The following NAA11 variants were observed in gnomAD, a reference collection of about 807,000 sequenced individuals.
NAA11 encodes N-alpha-acetyltransferase 11.
In NAA11, 15 loss-of-function variants were observed where a neutral mutation model predicts 16.1. The ratio of observed to expected loss-of-function variants is 0.93; its 90% CI spans 0.62 to 1.44. The LOEUF (loss-of-function observed/expected upper bound fraction) is 1.44. Ranked by LOEUF, NAA11 falls within the 40% of genes most tolerant of loss-of-function variation. The pLI, the probability that NAA11 is intolerant of heterozygous loss-of-function variation, is 0.00. For synonymous variants in NAA11, 122 were observed against 112.4 expected (o/e 1.09, Z -0.54); for missense variants, 298 against 291.3 (o/e 1.02, Z -0.17).
the NAA11 span, among the ~76,000 whole-genome samples, chr4:79,204,810 G>A: frequency 4.9e-4 from 75 of 151,846 alleles, no homozygotes; most frequent in African/African-American, 1.4e-3. Flanking sequence ...AGAACATGCA[G>A]TATTTGATTT....
chr4:79,245,635 C>T (rs1247772644), intron 2 of NAA11: 1 of 156,276 alleles, frequency 6.4e-6, no homozygotes, highest in Non-Finnish European at 1.4e-5. Flanking sequence ...CCCGGCCACC[C>T]TGTCTGGGAA....
intron 2 of NAA11, among the ~76,000 whole-genome samples, chr4:79,254,237 G>A (rs923800195): frequency 6.6e-6 from 1 of 152,190 alleles, no homozygotes. Context: ...CACAAAGGGG[G>A]TCCCTAGCAG....
chr4:79,314,641 T>TAAAAAAAAAAAAAAAAAAAAA (rs375245497), downstream of NAA11, among the ~76,000 whole-genome samples: 26 of 98,044 alleles, frequency 2.7e-4, 2 homozygotes, highest in African/African-American at 8.2e-4. Context: ...TCCTTAAAAT[T>TAAAAAAAAAAAAAAAAAAAAA]AAAAAAAAAA....
the NAA11 span, among the ~76,000 whole-genome samples, chr4:79,168,901 G>A: frequency 6.6e-6 from 1 of 152,098 alleles, no homozygotes; most frequent in African/African-American, 2.4e-5. Context: ...AGCAACTTTA[G>A]TAAGGTCTCA....
At chr4:79,240,341 G>A (rs1369572296) in intron 2 of NAA11, among the ~76,000 whole-genome samples, 1 of 152,186 alleles carries the variant, frequency 6.6e-6, no homozygotes, top group Non-Finnish European at 1.5e-5. Context: ...CAGGTATAGT[G>A]TCAGTTGAGA....
chr4:79,201,040 TTG>T, the NAA11 span, among the ~76,000 whole-genome samples: 4 of 151,820 alleles, frequency 2.6e-5, no homozygotes, highest in African/African-American at 9.6e-5. Flanking sequence ...GCGTTTTATA[TTG>T]TGTTTTTTTC....
chr4:79,295,940 G>A (rs1723208976), intron 1 of NAA11, among the ~76,000 whole-genome samples: 1 of 152,112 alleles, frequency 6.6e-6, no homozygotes, highest in South Asian at 2.1e-4. Flanking sequence ...TAAAGTATTA[G>A]ATTAGGTGAA....
chr4:79,216,179 A>T, the NAA11 span, among the ~76,000 whole-genome samples: 1 of 152,132 alleles, frequency 6.6e-6, no homozygotes, highest in Non-Finnish European at 1.5e-5. Flanking sequence ...ATAAGTGAAC[A>T]AAAAATTGTG....
At chr4:79,259,624 A>G (rs1195271778) in intron 2 of NAA11, among the ~76,000 whole-genome samples, 1 of 152,228 alleles carries the variant, frequency 6.6e-6, no homozygotes, top group African/African-American at 2.4e-5. Context: ...ACTTGGGCAA[A>G]CACACCACCA....
At chr4:79,178,356 T>C in the NAA11 span, among the ~76,000 whole-genome samples, 1 of 152,200 alleles carries the variant, frequency 6.6e-6, no homozygotes, top group African/African-American at 2.4e-5. Context: ...AAATTCAGAG[T>C]ATTTAACTTC....
At chr4:79,222,706 C>T (rs1721218233), downstream of NAA11, among the ~76,000 whole-genome samples, 1 of 147,350 alleles carries the variant, frequency 6.8e-6, no homozygotes, top group Non-Finnish European at 1.5e-5. Flanking sequence ...AGTGAACAGG[C>T]AACCTACAAA....
intron 2 of NAA11, among the ~76,000 whole-genome samples, chr4:79,233,655 A>G (rs1444022952): frequency 6.6e-6 from 1 of 152,038 alleles, no homozygotes; most frequent in African/African-American, 2.4e-5. Context: ...TTATTTTCAT[A>G]ACCTGGTAGC....
chr4:79,171,264 G>A, the NAA11 span, among the ~76,000 whole-genome samples: 2 of 152,116 alleles, frequency 1.3e-5, no homozygotes, highest in Admixed American at 6.6e-5. Flanking sequence ...ATATATTGTG[G>A]GAGTGGGTTA....
At chr4:79,278,742 A>C (rs1278572266) in intron 2 of NAA11, among the ~76,000 whole-genome samples, 8 of 152,142 alleles carry the variant, frequency 5.3e-5, no homozygotes, top group African/African-American at 1.4e-4. Flanking sequence ...GAAATACTTG[A>C]ACGCTACTAT....
chr4:79,224,139 G>A (rs1721259971), downstream of NAA11, among the ~76,000 whole-genome samples: 2 of 152,096 alleles, frequency 1.3e-5, no homozygotes, highest in South Asian at 2.1e-4. Flanking sequence ...GTAGTCAAGA[G>A]TCACCAGGTA....
Position 79,325,331 on chromosome 4 carries a change from T to A in NAA11, c.547A>T (p.Ser183Cys), listed in dbSNP as rs1436296414. 3.7e-6 allele frequency: 6 copies of A among 1,614,022 alleles called. No homozygotes were observed. Among genetic ancestry groups the A allele is most frequent in the Non-Finnish European group, 5.1e-6 (6 of 1,179,886 alleles). The change falls in exon 1 of 2, where the codon AGC becomes TGC. Residue 183 changes from serine (S) to cysteine (C), a missense_variant. Coordinates refer to ENST00000286794, the MANE Select transcript of NAA11 (RefSeq NM_032693.3). ...GCCTCTTCAGAATCAGAAAGTGTGC[T>A]GCCCTGGGTCTCCTGGTTCTCCCTG... is the stretch of plus-strand genomic sequence containing the variant. ...GSRENQETQG[S>C]TLSDSEEACQ...
chr4:79,280,798 A>C (rs1044585368), intron 2 of NAA11, among the ~76,000 whole-genome samples: 2 of 152,014 alleles, frequency 1.3e-5, no homozygotes, highest in African/African-American at 4.8e-5. Flanking sequence ...GTGTGCATGA[A>C]CTGGACTGAG....
At chr4:79,202,623 T>TTATAGATATATATATATATATA in the NAA11 span, among the ~76,000 whole-genome samples, 5 of 52,622 alleles carry the variant, frequency 9.5e-5, no homozygotes, top group African/African-American at 2.3e-4. Flanking sequence ...ATATATAGTT[T>TTATAGATATATATATATATATA]TATATATATA....
chr4:79,173,254 T>C, the NAA11 span, among the ~76,000 whole-genome samples: 1 of 152,206 alleles, frequency 6.6e-6, no homozygotes, highest in East Asian at 1.9e-4. Context: ...GCAACATTGA[T>C]CTGTTGCAGT....
Sources: gnomAD v4.1 joint callset for allele counts (sites outside exome capture counted in the v4.1 genomes callset) on GRCh38, gnomAD v4.1.1 for gene constraint, MANE v1.5 for transcripts, NCBI Gene and HGNC (gene_info 2026-07-23, HGNC 2026-07-21) for gene names.